NPPA: variants seen among roughly 807,000 people sequenced by gnomAD.
NPPA encodes the protein natriuretic peptides A.
In NPPA, 10 loss-of-function variants were observed where a neutral mutation model predicts 12.2. The observed-to-expected ratio is 0.82, with a 90% CI of 0.50 to 1.38. The LOEUF is 1.38. Ranked by LOEUF, NPPA falls within the 40% of genes most tolerant of loss-of-function variation. The pLI, the probability that NPPA is intolerant of heterozygous loss-of-function variation, is 0.00. For synonymous variants in NPPA, 85 were observed against 80.2 expected (o/e 1.06, Z -0.32); for missense variants, 207 against 193.5 (o/e 1.07, Z -0.41).
chr1:11,847,658 C>T lies in NPPA; in HGVS notation c.27G>A (p.Val9=). ...GGAATGCCAGTAAAAGGAGGAAGCTCACGGTGGTGGTGGAGAAGGAGCTCA... is the reference window on the plus strand; with the variant it reads ...GGAATGCCAGTAAAAGGAGGAAGCTTACGGTGGTGGTGGAGAAGGAGCTCA... The part of the protein sequence containing the change: MSSFSTTT[V]SFLLLLAFQL... The change falls in exon 1 of 3, where the codon GTG becomes GTA. Residue 9 remains valine (V), a synonymous_variant. Coordinates refer to ENST00000376480, the MANE Select transcript of NPPA (RefSeq NM_006172.4). The T allele has an allele frequency of 6.2e-7, 1 of 1,614,152 alleles. No homozygotes were observed. Among genetic ancestry groups the T allele is most frequent in the Non-Finnish European group, 8.5e-7 (1 of 1,180,038 alleles).
At position 11,847,315 on chromosome 1, in the gene NPPA, C is replaced by G; in HGVS notation, c.248G>C (p.Trp83Ser). ...CTGGGCTGGGCTGACTTCCCCGGTC[C>G]AGGGAGGCACCTCAGGGAGGGGGCT... is the stretch of plus-strand genomic sequence containing the variant. Reference protein sequence around the residue: ...ALSPLPEVPPWTGEVSPAQRD... With the variant: ...ALSPLPEVPPSTGEVSPAQRD... Residue 83 changes from tryptophan to serine, a missense_variant, in exon 2 of 3, where the codon TGG becomes TCG. By Grantham distance (177) the Trp-to-Ser change is radical. Coordinates refer to ENST00000376480, the MANE Select transcript of NPPA (RefSeq NM_006172.4). The G allele has an allele frequency of 6.2e-7, 1 of 1,613,614 alleles. No homozygotes were observed. Among genetic ancestry groups the G allele is most frequent in the Admixed American group, 1.7e-5 (1 of 60,000 alleles).
In NPPA at chr1:11,847,778, T is replaced by C; in HGVS notation, c.-94A>G. ...CCCTCTCTTGGCCTACGTCTGTCCCTGTCTCCCAGCTGCCCAGTGCCGCCT... is the reference window on the plus strand; with the variant it reads ...CCCTCTCTTGGCCTACGTCTGTCCCCGTCTCCCAGCTGCCCAGTGCCGCCT... On this transcript the variant is annotated 5_prime_UTR_variant, in exon 1 of 3. Coordinates refer to ENST00000376480, the MANE Select transcript of NPPA (RefSeq NM_006172.4). 1 of 1,583,398 alleles carries C rather than the reference T, an allele frequency of 6.3e-7. No homozygotes were observed.
chr1:11,845,861 A>G lies in NPPA; in HGVS notation c.*148T>C. 1.3e-6 allele frequency: 1 copy of G among 793,806 alleles called. No individual in the cohort carries two copies. The highest frequency in any genetic ancestry group is 1.4e-5 in the South Asian group (1 of 71,950). The allele number at this position is 793,806 out of a possible 1,614,324, so 49.2% of individuals were successfully genotyped here. Reference sequence around the variant, plus strand: ...TCTACAGTTAGCATAAGATGTGAGAAGTGTTGACAGGAAGCTGCAGCTTAG... The same window carrying G: ...TCTACAGTTAGCATAAGATGTGAGAGGTGTTGACAGGAAGCTGCAGCTTAG... On this transcript the variant is annotated 3_prime_UTR_variant, in exon 3 of 3. Transcript: ENST00000376480.
At chr1:11,846,832 T>C (rs1022181455) in intron 2 of NPPA, among the ~76,000 whole-genome samples, 1 of 151,542 alleles carries the variant, frequency 6.6e-6, no homozygotes, top group African/African-American at 2.4e-5. Flanking sequence ...GCCAGGATAG[T>C]CTTGATCTCT....
Position 11,847,226 on chromosome 1 carries a change from T to C in NPPA, c.337A>G (p.Ser113Gly), listed in dbSNP as rs756271433. 6.8e-6 allele frequency: 11 copies of C among 1,612,178 alleles called. No homozygotes were observed. The highest frequency in any genetic ancestry group is 9.3e-6 in the Non-Finnish European group (11 of 1,178,564). Residue 113 changes from serine (S) to glycine (G), a missense_variant, in exon 2 of 3, where the codon AGC becomes GGC. Ser to Gly is a moderately conservative substitution (Grantham distance 56). Coordinates refer to ENST00000376480, the MANE Select transcript of NPPA (RefSeq NM_006172.4). ...DSSDRSALLK[S>G]KLRALLTAPR... is the part of the protein sequence containing the mutation. ...GCAGTGAGCAGCGCCCTCAGCTTGC[T>C]TTTTAGGAGGGCAGATCGATCAGAG...
rs374257969 is a variant in NPPA, at chr1:11,847,592, G to A, written c.93C>T (p.Ala31=). 24 of 1,614,022 alleles carry A rather than the reference G, an allele frequency of 1.5e-5. No individual in the cohort carries two copies. Among genetic ancestry groups the A allele is most frequent in the East Asian group, 6.7e-5 (3 of 44,884 alleles). ...GQTRANPMYN[A]VSNADLMDFK... ...AATCCATCAGGTCTGCGTTGGACAC[G>A]GCATTGTACATGGGATTAGCTCTGG... Residue 31 remains alanine (A), a synonymous_variant, in exon 1 of 3, where the codon GCC becomes GCT. Transcript: ENST00000376480.
chr1:11,847,112 C>A lies in NPPA; in HGVS notation c.450+1G>T. 6.5e-7 allele frequency: 1 copy of A among 1,528,120 alleles called. No individual in the cohort carries two copies. The highest frequency in any genetic ancestry group is 8.8e-7 in the Non-Finnish European group (1 of 1,139,124). 94.7% of individuals were successfully genotyped at this position (1,528,120 alleles called of 1,614,324 possible). On this transcript the variant is annotated splice_donor_variant, in intron 2 of 2. Coordinates refer to ENST00000376480, the MANE Select transcript of NPPA (RefSeq NM_006172.4). LOFTEE classifies it high-confidence loss of function. ...CCATTTCCATCCCCAGTTCCTCTTA[C>A]CCGGAAGCTGTTACAGCCCAGTCCG...
rs764009523 is a variant in NPPA, at chr1:11,847,619, C to G, written c.66G>C (p.Gln22His). 6.2e-7 allele frequency: 1 copy of G among 1,614,118 alleles called. No homozygotes were observed. The highest frequency in any genetic ancestry group is 2.2e-5 in the East Asian group (1 of 44,872). The change falls in exon 1 of 3, where the codon CAG (glutamine) becomes CAC (histidine). Residue 22 changes from glutamine (Q) to histidine (H), a missense_variant. Coordinates refer to ENST00000376480, the MANE Select transcript of NPPA (RefSeq NM_006172.4). ...LLLLAFQLLG[Q>H]TRANPMYNAV... is the part of the protein sequence containing the mutation. The stretch of plus-strand genomic sequence containing the variant: ...CATTGTACATGGGATTAGCTCTGGT[C>G]TGACCTAGGAGCTGGAATGCCAGTA...
chr1:11,845,743 CT>C lies in NPPA; in HGVS notation c.*265del, dbSNP rs1407467743. 2.0e-6 allele frequency: 1 copy of C among 503,606 alleles called. No individual in the cohort carries two copies. The highest frequency in any genetic ancestry group is 1.9e-5 in the African/African-American group (1 of 51,822). The allele number at this position is 503,606 out of a possible 1,614,324, so 31.2% of individuals were successfully genotyped here. ...TGTCCATGGTGCTGAAGTTTATTCACTTTCAAACCACTTTCAGTAACAGGTG... is the reference window on the plus strand; with the variant it reads ...TGTCCATGGTGCTGAAGTTTATTCACTTCAAACCACTTTCAGTAACAGGTG... On this transcript the variant is annotated 3_prime_UTR_variant, in exon 3 of 3. Coordinates refer to ENST00000376480, the MANE Select transcript of NPPA (RefSeq NM_006172.4).
Position 11,845,861 on chromosome 1 carries a change from A to C in NPPA, c.*148T>G. 1.3e-6 allele frequency: 1 copy of C among 793,806 alleles called. No homozygotes were observed. Among genetic ancestry groups the C allele is most frequent in the East Asian group, 2.5e-5 (1 of 40,544 alleles). The allele number at this position is 793,806 out of a possible 1,614,324, so 49.2% of individuals were successfully genotyped here. ...TCTACAGTTAGCATAAGATGTGAGA[A>C]GTGTTGACAGGAAGCTGCAGCTTAG... On this transcript the variant is annotated 3_prime_UTR_variant, in exon 3 of 3. Transcript: ENST00000376480.
intron 2 of NPPA, among the ~76,000 whole-genome samples, chr1:11,846,698 C>A (rs1354375858): frequency 1.5e-4 from 22 of 150,996 alleles, no homozygotes; most frequent in South Asian, 1.3e-3. Context: ...TCACTGCAAC[C>A]TCTGCCTCCT....
At chr1:11,846,894 G>A (rs1296602016) in intron 2 of NPPA, among the ~76,000 whole-genome samples, 1 of 148,042 alleles carries the variant, frequency 6.8e-6, no homozygotes, top group Admixed American at 6.7e-5. Flanking sequence ...GATTACAGGC[G>A]TGAGCCACTG....
chr1:11,846,637 A>ATTTTTTTTTTTT (rs1645070671), intron 2 of NPPA, among the ~76,000 whole-genome samples: 1 of 70,588 alleles, frequency 1.4e-5, no homozygotes, highest in African/African-American at 9.7e-5. Flanking sequence ...TTTTTTTTTG[A>ATTTTTTTTTTTT]GACAGTCTCG....
chr1:11,846,110 A>G (rs1427181832), intron 2 of NPPA, 96 bp from the exon 3 acceptor site: 2 of 1,249,532 alleles, frequency 1.6e-6, no homozygotes, highest in Non-Finnish European at 2.4e-6. Flanking sequence ...GAACTTGATT[A>G]CTGACCACCT....
chr1:11,847,034 C>T (rs1046781244), intron 2 of NPPA, 79 bp downstream of exon 2: 16 of 1,330,964 alleles, frequency 1.2e-5, no homozygotes, highest in Non-Finnish European at 1.5e-5. Flanking sequence ...GAATGAGCTT[C>T]TGCATTGGTC....
rs1209696908 is a variant in NPPA at position 11,847,769 on chromosome 1, G to C, written c.-85C>G. On this transcript the variant is annotated 5_prime_UTR_variant, in exon 1 of 3. Transcript: ENST00000376480. ...CTCTGGTTCCCCTCTCTTGGCCTAC[G>C]TCTGTCCCTGTCTCCCAGCTGCCCA... 1 of 1,590,076 alleles carries C rather than the reference G, an allele frequency of 6.3e-7. No homozygotes were observed. Among genetic ancestry groups the C allele is most frequent in the Non-Finnish European group, 8.6e-7 (1 of 1,160,934 alleles).
At chr1:11,846,447 G>A (rs1440000305) in intron 2 of NPPA, among the ~76,000 whole-genome samples, 2 of 151,316 alleles carry the variant, frequency 1.3e-5, no homozygotes, top group Non-Finnish European at 2.9e-5. Context: ...AGCCTCCGGA[G>A]TAGCTAGGAC....
rs761089549 is a variant in NPPA, at chr1:11,847,545, C to T, written c.123+17G>A. The T allele has an allele frequency of 1.5e-5, 24 of 1,614,094 alleles. No homozygotes were observed. The highest frequency in any genetic ancestry group is 6.6e-5 in the South Asian group (6 of 91,086). ...AAGCCCCCTGGCCCCAGACTGCACC[C>T]GCTTTCCTGGCCCTACCTTGAAATC... On this transcript the variant is annotated intron_variant, in intron 1 of 2. Transcript: ENST00000376480.
chr1:11,847,056 G>T (rs1397160947), intron 2 of NPPA, 57 bp downstream of exon 2: 2 of 1,458,566 alleles, frequency 1.4e-6, no homozygotes, highest in Non-Finnish European at 1.8e-6. Flanking sequence ...CTTTCCTGCT[G>T]AAGGTGTCTC....
Sources: allele counts gnomAD v4.1 joint callset (sites outside exome capture counted in the v4.1 genomes callset), GRCh38; gene constraint gnomAD v4.1.1; transcripts MANE v1.5; gene names NCBI Gene and HGNC (gene_info 2026-07-23, HGNC 2026-07-21).